The following PCDH11Y variants were observed in gnomAD, a reference collection of about 807,000 sequenced individuals.
The protein encoded by PCDH11Y is protocadherin-11 Y-linked.
For missense variants in PCDH11Y, 12 were observed against 224.8 expected (o/e 0.05, Z 6.05); for synonymous variants, 9 against 83.6 (o/e 0.11, Z 4.87).
intron 2 of PCDH11Y, among the ~76,000 whole-genome samples, chrY:5,237,164 T>C: frequency 3.0e-5 from 1 of 33,455 alleles, no homozygotes; most frequent in Non-Finnish European, 7.4e-5. Context: ...AAGTAGTATG[T>C]GCCTCACATT....
chrY:5,477,944 T>TA (rs2053321338), intron 2 of PCDH11Y, among the ~76,000 whole-genome samples: 35 of 32,562 alleles, frequency 1.1e-3, no homozygotes, highest in Middle Eastern at 0.014. Context: ...TATCTGTTTT[T>TA]AAAAAAAAAC....
chrY:5,211,909 GA>G (rs2052939074), intron 2 of PCDH11Y, among the ~76,000 whole-genome samples: 1 of 33,381 alleles, frequency 3.0e-5, no homozygotes, highest in South Asian at 6.7e-4. Context: ...AGAGTGCTGG[GA>G]TTACAGGCAT....
intron 2 of PCDH11Y, among the ~76,000 whole-genome samples, chrY:5,318,128 A>T: frequency 1.8e-4 from 6 of 33,194 alleles, no homozygotes; most frequent in Non-Finnish European, 3.0e-4. Context: ...TAAGGAAATT[A>T]CCTTTATTCT....
intron 4 of PCDH11Y, among the ~76,000 whole-genome samples, chrY:5,645,422 G>T (rs2053526577): frequency 3.1e-5 from 1 of 32,603 alleles, no homozygotes; most frequent in South Asian, 6.9e-4. Context: ...AGCAGCCTTT[G>T]GAGTACTGTA....
At chrY:5,296,980 C>T in intron 2 of PCDH11Y, among the ~76,000 whole-genome samples, 1 of 32,521 alleles carries the variant, frequency 3.1e-5, no homozygotes, top group South Asian at 7.1e-4. Context: ...CGCTGAGTTT[C>T]CCTGAAGCCA....
intron 2 of PCDH11Y, among the ~76,000 whole-genome samples, chrY:5,188,964 G>T (rs2052909337): frequency 3.0e-5 from 1 of 33,711 alleles, no homozygotes; most frequent in Non-Finnish European, 7.4e-5. Context: ...ATATAAAAAA[G>T]AATTCTAAAA....
chrY:5,409,010 T>C (rs2124678092), intron 2 of PCDH11Y, among the ~76,000 whole-genome samples: 4 of 32,523 alleles, frequency 1.2e-4, no homozygotes, highest in Admixed American at 1.1e-3. Flanking sequence ...GGAGCTGCTA[T>C]ATGCTAGATC....
chrY:5,228,169 T>G, intron 2 of PCDH11Y, among the ~76,000 whole-genome samples: 1 of 23,518 alleles, frequency 4.3e-5, no homozygotes, highest in Non-Finnish European at 9.8e-5. Flanking sequence ...CTAGGTTGTA[T>G]GTATACATGA....
intron 1 of PCDH11Y, among the ~76,000 whole-genome samples, chrY:5,059,686 A>T (rs2124628652): frequency 3.0e-5 from 1 of 33,625 alleles, no homozygotes; most frequent in Admixed American, 2.7e-4. Context: ...TCTTTGAAAG[A>T]TTGTCAGCAA....
chrY:5,566,054 AC>A (rs2053434741), intron 3 of PCDH11Y, among the ~76,000 whole-genome samples: 1 of 24,344 alleles, frequency 4.1e-5, no homozygotes, highest in African/African-American at 1.6e-4. Flanking sequence ...GCTCACTGCA[AC>A]CTCCACCTCC....
At position 5,712,063 on chromosome Y, in the gene PCDH11Y, A is replaced by T; in HGVS notation, c.3353-25209A>T. ...GCTCTAATGAATTGGCTTAATGAAT[A>T]ATAAGCGCTTAGATCAAATTTCAGA... On this transcript the variant is annotated intron_variant, in intron 4 of 4. Transcript: ENST00000400457. 9.3e-5 allele frequency among the ~76,000 whole-genome samples: 3 copies of T among 32,386 alleles called. No homozygotes were observed. The South Asian group carries it at 2.1e-3, about 23-fold the overall frequency. The allele number at this position is 32,386 out of a possible 37,273, so 86.9% of individuals were successfully genotyped here. A position where few individuals can be genotyped will look rare whatever the true frequency, so the allele number is the denominator to read the frequency against.
intron 2 of PCDH11Y, among the ~76,000 whole-genome samples, chrY:5,355,098 T>C (rs2053164109): frequency 3.2e-5 from 1 of 31,668 alleles, no homozygotes; most frequent in African/African-American, 1.2e-4. Context: ...CCATCTCTAC[T>C]AAAAATACAA....
intron 2 of PCDH11Y, among the ~76,000 whole-genome samples, chrY:5,462,803 A>T (rs2053304886): frequency 3.2e-5 from 1 of 31,414 alleles, no homozygotes; most frequent in South Asian, 7.3e-4. Context: ...CGCCCAGTCA[A>T]TTTTGTATTT....
At chrY:5,108,394 T>A, downstream of PCDH11Y, among the ~76,000 whole-genome samples, 1 of 33,395 alleles carries the variant, frequency 3.0e-5, no homozygotes, top group Non-Finnish European at 7.4e-5. Flanking sequence ...CATTAATTCA[T>A]CTTTCATGTA....
At chrY:5,298,748 A>G in intron 2 of PCDH11Y, among the ~76,000 whole-genome samples, 1 of 33,566 alleles carries the variant, frequency 3.0e-5, no homozygotes, top group Non-Finnish European at 7.4e-5. Context: ...TGGATCCACA[A>G]TAAGAAATAT....
intron 2 of PCDH11Y, among the ~76,000 whole-genome samples, chrY:5,396,591 G>A (rs2124676567): frequency 2.9e-5 from 1 of 34,072 alleles, no homozygotes; most frequent in South Asian, 6.4e-4. Context: ...CATTGGTTGT[G>A]CATGTTGTTT....
At chrY:5,384,439 C>T in intron 2 of PCDH11Y, among the ~76,000 whole-genome samples, 3 of 29,493 alleles carry the variant, frequency 1.0e-4, no homozygotes, top group South Asian at 8.0e-4. Context: ...GTCTGAGTAA[C>T]GGCCAGTATA....
intron 2 of PCDH11Y, among the ~76,000 whole-genome samples, chrY:5,332,913 T>C (rs1602906167): frequency 2.9e-5 from 1 of 33,977 alleles, no homozygotes; most frequent in African/African-American, 1.1e-4. Context: ...TGCATCCATT[T>C]TGAATATTAA....
chrY:5,354,982 G>A (rs2053163979), intron 2 of PCDH11Y, among the ~76,000 whole-genome samples: 1 of 32,330 alleles, frequency 3.1e-5, no homozygotes, highest in African/African-American at 1.2e-4. Flanking sequence ...TTGAGTCCGG[G>A]CATGGTGGCT....
Sources: gnomAD v4.1 joint callset for allele counts (sites outside exome capture counted in the v4.1 genomes callset) on GRCh38, gnomAD v4.1.1 for gene constraint, MANE v1.5 for transcripts, NCBI Gene and HGNC (gene_info 2026-07-23, HGNC 2026-07-21) for gene names.